Variants in RNF130 observed in about 807,000 individuals in gnomAD.
RNF130 encodes the protein E3 ubiquitin-protein ligase RNF130.
In RNF130, 21 loss-of-function variants were observed where a neutral mutation model predicts 44.6. The ratio of observed to expected loss-of-function variants is 0.47; its 90% CI spans 0.33 to 0.68. The LOEUF is 0.68. Ranked by LOEUF, RNF130 falls within the 30% of genes least tolerant of loss-of-function variation. The pLI is 0.02. For missense variants in RNF130, 479 were observed against 560.6 expected, an observed-to-expected ratio of 0.85 and a Z score of 1.47; for synonymous variants, 214 against 210.4, an observed-to-expected ratio of 1.02 and a Z score of -0.15.
intron 3 of RNF130, among the ~76,000 whole-genome samples, chr5:179,998,796 G>C (rs1210881119): frequency 7.0e-6 from 1 of 143,398 alleles, no homozygotes; most frequent in South Asian, 2.2e-4. Flanking sequence ...CTAAGAGTGG[G>C]GTGTTGAATT....
At chr5:180,010,560 A>G (rs549440995) in intron 3 of RNF130, among the ~76,000 whole-genome samples, 140 of 152,174 alleles carry the variant, frequency 9.2e-4, no homozygotes, top group Non-Finnish European at 1.8e-3. Flanking sequence ...GGGGTTTGCC[A>G]TGTTGGCCAG....
At chr5:180,065,041 G>A (rs560312770) in intron 1 of RNF130, among the ~76,000 whole-genome samples, 75 of 151,534 alleles carry the variant, frequency 4.9e-4, no homozygotes, top group African/African-American at 1.7e-3. Flanking sequence ...GAAAAAACAC[G>A]CCTTTTTCAA....
At chr5:180,028,369 C>T (rs1233568860) in intron 2 of RNF130, among the ~76,000 whole-genome samples, 1 of 152,154 alleles carries the variant, frequency 6.6e-6, no homozygotes, top group African/African-American at 2.4e-5. Context: ...TAGAATCCAA[C>T]TCCCTCTCTC....
At position 180,065,207 on chromosome 5, in the gene RNF130, CT is replaced by C. The variant is rs567833502; in HGVS notation, c.247+6248del. On this transcript the variant is annotated intron_variant, in intron 1 of 8. Coordinates refer to ENST00000521389, the MANE Select transcript of RNF130 (RefSeq NM_018434.6). ...CCTTCAGAAGGTACAACTTTTCCCC[CT>C]GTCCTTTCATGGAAAATTTTCCCCT... 1.9e-3 allele frequency among the ~76,000 whole-genome samples: 292 copies of C among 152,118 alleles called. 1 individual carries two copies. The highest frequency in any genetic ancestry group is 3.4e-3 in the Non-Finnish European group (228 of 68,002).
At chr5:180,045,501 C>G (rs1193101896) in intron 1 of RNF130, among the ~76,000 whole-genome samples, 1 of 152,216 alleles carries the variant, frequency 6.6e-6, no homozygotes, top group Non-Finnish European at 1.5e-5. Context: ...AGGGAAAGAA[C>G]AAAGCTCCCA....
At chr5:179,956,970 C>T (rs1428510318) in intron 8 of RNF130, among the ~76,000 whole-genome samples, 5 of 152,244 alleles carry the variant, frequency 3.3e-5, no homozygotes, top group Admixed American at 3.3e-4. Flanking sequence ...TTCACAACTT[C>T]ACATAAAGTT....
At chr5:179,953,609 C>T (rs1200677778), downstream of RNF130, among the ~76,000 whole-genome samples, 1 of 152,004 alleles carries the variant, frequency 6.6e-6, no homozygotes, top group Non-Finnish European at 1.5e-5. Context: ...TACCTTACAC[C>T]GTATACAAAC....
At chr5:179,947,796 T>C (rs1387730367) in intron 7 of RNF130, among the ~76,000 whole-genome samples, 1 of 152,228 alleles carries the variant, frequency 6.6e-6, no homozygotes, top group African/African-American at 2.4e-5. Context: ...TACATTGATA[T>C]AGCATATATA....
intron 8 of RNF130, among the ~76,000 whole-genome samples, chr5:179,957,390 TGA>T (rs1762234305): frequency 3.9e-5 from 6 of 152,230 alleles, no homozygotes; most frequent in African/African-American, 1.4e-4. Flanking sequence ...CCAGCCTGGG[TGA>T]GAGAGCGAGA....
At chr5:180,004,682 A>C (rs1763423323) in intron 3 of RNF130, among the ~76,000 whole-genome samples, 2 of 152,218 alleles carry the variant, frequency 1.3e-5, no homozygotes, top group South Asian at 4.1e-4. Flanking sequence ...GGCTTAATCT[A>C]ATAGGAATAG....
At chr5:179,973,682 A>G (rs1289357072) in intron 5 of RNF130, among the ~76,000 whole-genome samples, 1 of 152,156 alleles carries the variant, frequency 6.6e-6, no homozygotes, top group Non-Finnish European at 1.5e-5. Flanking sequence ...AAGGTGCTCC[A>G]TGGACACCCA....
At chr5:179,957,384 C>T (rs1762234173) in intron 8 of RNF130, among the ~76,000 whole-genome samples, 1 of 152,192 alleles carries the variant, frequency 6.6e-6, no homozygotes, top group African/African-American at 2.4e-5. Flanking sequence ...TGTACTCCAG[C>T]CTGGGTGAGA....
intron 2 of RNF130, among the ~76,000 whole-genome samples, chr5:180,017,551 G>C (rs1053141023): frequency 6.6e-6 from 1 of 152,068 alleles, no homozygotes; most frequent in Non-Finnish European, 1.5e-5. Flanking sequence ...CTAATGCTGT[G>C]ATTTCTTCTA....
At chr5:179,930,548 T>C (rs1331799381) in intron 7 of RNF130, among the ~76,000 whole-genome samples, 2 of 152,210 alleles carry the variant, frequency 1.3e-5, no homozygotes, top group Non-Finnish European at 1.5e-5. Flanking sequence ...TTTCTTGCCA[T>C]ATGGTAATGG....
chr5:180,060,102 C>T (rs565998353), intron 1 of RNF130, among the ~76,000 whole-genome samples: 2 of 152,280 alleles, frequency 1.3e-5, no homozygotes, highest in African/African-American at 4.8e-5. Context: ...GCAGCTTCTA[C>T]AAGCTGAAAA....
At chr5:179,969,844 A>G (rs1470621040) in intron 6 of RNF130, among the ~76,000 whole-genome samples, 1 of 152,128 alleles carries the variant, frequency 6.6e-6, no homozygotes, top group African/African-American at 2.4e-5. Flanking sequence ...ACAAAAAATT[A>G]GCCAGGGGTG....
At chr5:179,951,101 T>C (rs1164710131), downstream of RNF130, among the ~76,000 whole-genome samples, 3 of 152,202 alleles carry the variant, frequency 2.0e-5, no homozygotes, top group African/African-American at 7.2e-5. Flanking sequence ...GGAGGGCCAC[T>C]GAACCAGGGA....
At chr5:179,949,771 C>T (rs773015547) in intron 7 of RNF130, among the ~76,000 whole-genome samples, 7 of 152,148 alleles carry the variant, frequency 4.6e-5, no homozygotes, top group Admixed American at 1.3e-4. Context: ...TCGCTTGGCA[C>T]GCAGCTGCAA....
chr5:179,971,245 C>A (rs962616366), intron 5 of RNF130, among the ~76,000 whole-genome samples: 1 of 152,180 alleles, frequency 6.6e-6, no homozygotes, highest in Non-Finnish European at 1.5e-5. Context: ...CTCTAGCACC[C>A]GGCCCAGCAG....
Sources: gnomAD v4.1 joint callset for allele counts (sites outside exome capture counted in the v4.1 genomes callset) on GRCh38, gnomAD v4.1.1 for gene constraint, MANE v1.5 for transcripts, NCBI Gene and HGNC (gene_info 2026-07-23, HGNC 2026-07-21) for gene names.